The following HYAL4 variants were observed in gnomAD, a reference collection of about 807,000 sequenced individuals.
The protein encoded by HYAL4 is hyaluronidase 4, also known as hyaluronidase-4.
HYAL4 carries 37 observed loss-of-function variants against 35.2 expected under a neutral mutation model. The ratio of observed to expected loss-of-function variants is 1.05; its 90% CI spans 0.81 to 1.38. The LOEUF (loss-of-function observed/expected upper bound fraction) is 1.38. HYAL4 is among the 40% of genes most tolerant of loss of function. HYAL4 has a pLI of 0.00. For synonymous variants in HYAL4, 198 were observed against 203.2 expected (o/e 0.97, Z 0.22); for missense variants, 572 against 572.4 (o/e 1.00, Z 0.01).
chr7:123,824,811 A>C (rs1048565831), upstream of HYAL4, among the ~76,000 whole-genome samples: 18 of 152,136 alleles, frequency 1.2e-4, no homozygotes, highest in Non-Finnish European at 5.9e-5. Context: ...GGCCACTCCC[A>C]CTGCTGTCAT....
At chr7:123,807,084 A>G in the HYAL4 span, among the ~76,000 whole-genome samples, 1 of 152,166 alleles carries the variant, frequency 6.6e-6, no homozygotes, top group Non-Finnish European at 1.5e-5. Context: ...ATATATAGCA[A>G]TTTCCCTGCT....
the HYAL4 span, among the ~76,000 whole-genome samples, chr7:123,783,635 G>A: frequency 2.6e-5 from 4 of 152,156 alleles, no homozygotes; most frequent in African/African-American, 9.7e-5. Context: ...CACAATTCCA[G>A]TAGAGACCAT....
intron 2 of HYAL4, among the ~76,000 whole-genome samples, chr7:123,852,931 C>G (rs921137599): frequency 7.9e-5 from 12 of 152,050 alleles, no homozygotes; most frequent in Admixed American, 4.6e-4. Flanking sequence ...GTTTGTAGTT[C>G]TCCTTGAAGA....
the HYAL4 span, among the ~76,000 whole-genome samples, chr7:123,800,155 T>G: frequency 5.5e-5 from 8 of 145,742 alleles, no homozygotes; most frequent in Non-Finnish European, 7.6e-5. Context: ...AAAGAAAGAC[T>G]CTGTGTCAAT....
chr7:123,777,272 A>G, the HYAL4 span, among the ~76,000 whole-genome samples: 10,057 of 152,076 alleles, frequency 0.066, 420 homozygotes, highest in East Asian at 0.11. Flanking sequence ...TGTAAAATAC[A>G]TACTAGATTT....
At chr7:123,790,383 G>A in the HYAL4 span, among the ~76,000 whole-genome samples, 1 of 152,096 alleles carries the variant, frequency 6.6e-6, no homozygotes, top group Non-Finnish European at 1.5e-5. Context: ...TGGAAGTTTA[G>A]GGAACTAGAA....
intron 1 of HYAL4, among the ~76,000 whole-genome samples, chr7:123,839,695 T>C (rs906716542): frequency 2.0e-5 from 3 of 152,254 alleles, no homozygotes; most frequent in Non-Finnish European, 4.4e-5. Context: ...TGTGAGATGG[T>C]ATCTCATTGT....
chr7:123,877,054 A>G lies in HYAL4; in HGVS notation c.1345A>G (p.Ile449Val). The change falls in exon 5 of 5, where the codon ATA (isoleucine) becomes GTA (valine). Residue 449 changes from isoleucine (I) to valine (V), a missense_variant. Transcript: ENST00000223026. ...QGYEGADCRE[I>V]KTADGCSGVS... ...ATATGAAGGAGCTGATTGCAGAGAA[A>G]TAAAGACGGCTGATGGCTGCTCTGG... is the stretch of plus-strand genomic sequence containing the variant. The G allele has an allele frequency of 1.9e-6, 3 of 1,614,232 alleles. No homozygotes were observed. The highest frequency in any genetic ancestry group is 2.5e-6 in the Non-Finnish European group (3 of 1,180,028).
chr7:123,772,036 A>G, the HYAL4 span, among the ~76,000 whole-genome samples: 121 of 152,018 alleles, frequency 8.0e-4, no homozygotes, highest in African/African-American at 2.7e-3. Context: ...TTACACTATC[A>G]GCTCCCCTGG....
At chr7:123,770,282 A>T in the HYAL4 span, among the ~76,000 whole-genome samples, 2 of 152,032 alleles carry the variant, frequency 1.3e-5, no homozygotes, top group African/African-American at 2.4e-5. Flanking sequence ...CTCTACTAAA[A>T]ATACAAAAAG....
the HYAL4 span, among the ~76,000 whole-genome samples, chr7:123,791,582 G>A: frequency 1.3e-4 from 20 of 152,326 alleles, no homozygotes; most frequent in Admixed American, 1.0e-3. Context: ...GAAGGGCCTG[G>A]TTCTTGGTCC....
chr7:123,799,483 A>G, the HYAL4 span, among the ~76,000 whole-genome samples: 1 of 150,914 alleles, frequency 6.6e-6, no homozygotes, highest in Non-Finnish European at 1.5e-5. Flanking sequence ...TTTCAAAATA[A>G]AATTTATTTT....
chr7:123,806,593 G>A, the HYAL4 span, among the ~76,000 whole-genome samples: 17,115 of 151,486 alleles, frequency 0.11, 1,102 homozygotes, highest in Non-Finnish European at 0.14. Context: ...ACAAGCATGC[G>A]CCACCACGCC....
the HYAL4 span, among the ~76,000 whole-genome samples, chr7:123,818,044 T>A: frequency 2.0e-5 from 3 of 151,728 alleles, no homozygotes; most frequent in Non-Finnish European, 1.5e-5. Flanking sequence ...TGCCTGGCTA[T>A]TTTTGTATTT....
At chr7:123,819,695 A>G in the HYAL4 span, among the ~76,000 whole-genome samples, 4 of 152,144 alleles carry the variant, frequency 2.6e-5, no homozygotes, top group African/African-American at 4.8e-5. Flanking sequence ...AATTTTGAGC[A>G]TGTTAGTTAA....
the HYAL4 span, among the ~76,000 whole-genome samples, chr7:123,813,470 C>A: frequency 6.6e-6 from 1 of 152,002 alleles, no homozygotes; most frequent in East Asian, 1.9e-4. Context: ...AGTTAAAGAA[C>A]TAATAGGATT....
chr7:123,768,106 TGTAAGA>T, the HYAL4 span, among the ~76,000 whole-genome samples: 4 of 152,328 alleles, frequency 2.6e-5, no homozygotes, highest in African/African-American at 9.6e-5. Flanking sequence ...TTTTAAAAAA[TGTAAGA>T]TTAAGATTAA....
the HYAL4 span, among the ~76,000 whole-genome samples, chr7:123,767,790 C>T: frequency 1.9e-3 from 289 of 152,172 alleles, 3 homozygotes; most frequent in East Asian, 0.027. Flanking sequence ...GTGGATAGTC[C>T]TCTAAAGGAA....
intron 3 of HYAL4, among the ~76,000 whole-genome samples, chr7:123,873,582 C>T (rs75941556): frequency 0.012 from 1,838 of 152,156 alleles, 36 homozygotes; most frequent in African/African-American, 0.041. Context: ...CATTTTCTAG[C>T]GTTTAATTGG....
Sources: allele counts gnomAD v4.1 joint callset (sites outside exome capture counted in the v4.1 genomes callset), GRCh38; gene constraint gnomAD v4.1.1; transcripts MANE v1.5; gene names NCBI Gene and HGNC (gene_info 2026-07-23, HGNC 2026-07-21).